Variants in DLG3 observed in about 807,000 individuals in gnomAD.
DLG3 encodes the protein discs large MAGUK scaffold protein 3.
DLG3 carries 1 observed loss-of-function variant against 64.1 expected under a neutral mutation model. The ratio of observed to expected loss-of-function variants is 0.02; its 90% CI spans 0.01 to 0.07. The LOEUF (loss-of-function observed/expected upper bound fraction) is 0.07. DLG3 is among the 10% of genes least tolerant of loss of function. The pLI, the probability that DLG3 is intolerant of heterozygous loss-of-function variation, is 1.00. For synonymous variants in DLG3, 245 were observed against 259.8 expected, an observed-to-expected ratio of 0.94 and a Z score of 0.55; for missense variants, 429 against 669.5, an observed-to-expected ratio of 0.64 and a Z score of 3.96.
At chrX:70,484,951 C>T (rs2087228808) in intron 10 of DLG3, among the ~76,000 whole-genome samples, 1 of 112,037 alleles carries the variant, frequency 8.9e-6, no homozygotes, top group African/African-American at 3.2e-5. Flanking sequence ...TCAGAGGCTG[C>T]TGGAAATTTA....
At chrX:70,446,049 G>A (rs962618984) in intron 1 of DLG3, among the ~76,000 whole-genome samples, 2 of 110,785 alleles carry the variant, frequency 1.8e-5, no homozygotes, top group Non-Finnish European at 3.8e-5. Context: ...TGCCCGGCTC[G>A]CTGAGCTTCA....
At chrX:70,469,019 T>C (rs149284313) in intron 9 of DLG3, among the ~76,000 whole-genome samples, 2 of 110,837 alleles carry the variant, frequency 1.8e-5, no homozygotes, top group Admixed American at 1.9e-4. Context: ...GGCTTCATTA[T>C]TATTATTTTC....
At chrX:70,458,068 G>T (rs2086745370) in intron 9 of DLG3, among the ~76,000 whole-genome samples, 1 of 111,087 alleles carries the variant, frequency 9.0e-6, no homozygotes, top group African/African-American at 3.3e-5. Context: ...TAGAGATGGG[G>T]TTTCACCATG....
intron 12 of DLG3, 152 bp from the exon 13 acceptor site, chrX:70,495,256 C>T: frequency 1.9e-6 from 1 of 529,271 alleles, no homozygotes; most frequent in Admixed American, 2.7e-5. Context: ...TAGTGCTCAC[C>T]TACCTCTGTA....
chrX:70,453,052 CT>C, intron 7 of DLG3: 1 of 247,129 alleles, frequency 4.0e-6, no homozygotes, highest in Non-Finnish European at 7.1e-6. Context: ...TGGGATCCCC[CT>C]AAGAACCCAG....
chrX:70,484,334 G>A (rs1302884011), intron 10 of DLG3, among the ~76,000 whole-genome samples: 1 of 111,754 alleles, frequency 8.9e-6, no homozygotes, highest in Non-Finnish European at 1.9e-5. Flanking sequence ...AACAATGTCA[G>A]ACATATTGGC....
Position 70,465,682 on chromosome X carries a change from A to G in DLG3, c.1405+11366A>G, listed in dbSNP as rs757522701. ...CTCTAAACTTTTATATATTTATATTACATATATCATATAATATGTTTGTAT... is the reference window on the plus strand; with the variant it reads ...CTCTAAACTTTTATATATTTATATTGCATATATCATATAATATGTTTGTAT... On this transcript the variant is annotated intron_variant, in intron 9 of 18. Transcript: ENST00000374360. 1.2e-4 allele frequency among the ~76,000 whole-genome samples: 13 copies of G among 112,047 alleles called. 1 individual carries two copies. The South Asian group carries it at 2.6e-3, about 22-fold the overall frequency.
Position 70,448,475 on chromosome X carries a change from G to T in DLG3, c.358-438G>T, listed in dbSNP as rs927832519. 5.9e-6 allele frequency: 4 copies of T among 682,964 alleles called. No individual in the cohort carries two copies. In the Admixed American group the frequency reaches 1.4e-4, roughly 24 times the overall value. The allele number at this position is 682,964 out of a possible 1,213,427, so 56.3% of individuals were successfully genotyped here. On this transcript the variant is annotated intron_variant, in intron 1 of 18. Transcript: ENST00000374360. Reference sequence around the variant, plus strand: ...GATCCCCCAGTCAGGGAGAACTGTGGTTCAGAAGGGGAAGGGTTATCTGTC... The same window carrying T: ...GATCCCCCAGTCAGGGAGAACTGTGTTTCAGAAGGGGAAGGGTTATCTGTC...
chrX:70,454,178 C>T (rs368606425), intron 8 of DLG3, 36 bp from the exon 9 acceptor site: 20 of 1,175,066 alleles, frequency 1.7e-5, no homozygotes, highest in Non-Finnish European at 2.1e-5. Context: ...CTCTTTCTTG[C>T]TTTTGGGGTG....
At chrX:70,467,715 G>A (rs1022898229) in intron 9 of DLG3, among the ~76,000 whole-genome samples, 25 of 112,191 alleles carry the variant, frequency 2.2e-4, no homozygotes, top group African/African-American at 7.8e-4. Flanking sequence ...CTGTTAAGTG[G>A]AAAAGATTCT....
chrX:70,470,459 C>T (rs1015262565), intron 9 of DLG3, among the ~76,000 whole-genome samples: 10 of 111,738 alleles, frequency 8.9e-5, no homozygotes, highest in African/African-American at 2.6e-4. Context: ...TCAAACTCCT[C>T]ATCTCCAGTG....
At chrX:70,456,796 C>G (rs1161074891) in intron 9 of DLG3, among the ~76,000 whole-genome samples, 1 of 110,085 alleles carries the variant, frequency 9.1e-6, no homozygotes, top group Non-Finnish European at 1.9e-5. Context: ...GGAGACTGGT[C>G]CAGAGGGACT....
chrX:70,499,768 A>T, intron 15 of DLG3, 109 bp from the exon 16 acceptor site: 31 of 806,068 alleles, frequency 3.8e-5, no homozygotes, highest in Non-Finnish European at 5.6e-5. Context: ...TGAAAAAAAA[A>T]ATGGAGTGGC....
At chrX:70,450,809 T>C (rs374189400) in intron 6 of DLG3, 26 bp downstream of exon 6, 34 of 1,211,101 alleles carry the variant, frequency 2.8e-5, no homozygotes, top group Non-Finnish European at 3.8e-5. Context: ...CCCCTGTCCC[T>C]GGTCTAAAGC....
At chrX:70,477,852 C>A (rs1294344076) in intron 9 of DLG3, among the ~76,000 whole-genome samples, 2 of 111,881 alleles carry the variant, frequency 1.8e-5, no homozygotes, top group Non-Finnish European at 3.8e-5. Flanking sequence ...CCCCTTACAC[C>A]CAGTTGAAGG....
At chrX:70,461,567 G>C (rs1157375278) in intron 9 of DLG3, among the ~76,000 whole-genome samples, 1 of 101,750 alleles carries the variant, frequency 9.8e-6, no homozygotes, top group Non-Finnish European at 2.0e-5. Flanking sequence ...AAATGATAGG[G>C]CCCCCCCTTT....
intron 9 of DLG3, among the ~76,000 whole-genome samples, chrX:70,469,052 C>T (rs1215162279): frequency 9.0e-6 from 1 of 110,976 alleles, no homozygotes; most frequent in Non-Finnish European, 1.9e-5. Flanking sequence ...ACTCTGACAC[C>T]CAGGCTGGAG....
intron 13 of DLG3, among the ~76,000 whole-genome samples, chrX:70,496,385 C>T (rs1419535820): frequency 8.9e-6 from 1 of 112,108 alleles, no homozygotes; most frequent in African/African-American, 3.2e-5. Flanking sequence ...TTGGTGTGTC[C>T]ATGTCTCATC....
At chrX:70,446,423 G>C (rs1449900250) in intron 1 of DLG3, among the ~76,000 whole-genome samples, 1 of 109,687 alleles carries the variant, frequency 9.1e-6, no homozygotes, top group Admixed American at 9.6e-5. Context: ...GTGCCGGGGT[G>C]GGGTGGCGGG....
Sources: gnomAD v4.1 joint callset for allele counts (sites outside exome capture counted in the v4.1 genomes callset) on GRCh38, gnomAD v4.1.1 for gene constraint, MANE v1.5 for transcripts, NCBI Gene and HGNC (gene_info 2026-07-23, HGNC 2026-07-21) for gene names.